Variants in CNTN5 observed in about 807,000 individuals in gnomAD.
CNTN5 encodes contactin-5.
In CNTN5, 77 loss-of-function variants were observed where a neutral mutation model predicts 129.1. The observed-to-expected ratio is 0.60, with a 90% CI of 0.50 to 0.72. The LOEUF (loss-of-function observed/expected upper bound fraction) is 0.72, where lower values mean the gene tolerates loss of function less well. Ranked by LOEUF, CNTN5 falls within the 30% of genes least tolerant of loss-of-function variation. The pLI, the probability that CNTN5 is intolerant of heterozygous loss-of-function variation, is 0.00. For missense variants in CNTN5, 1,478 were observed against 1,328.8 expected, an observed-to-expected ratio of 1.11 and a Z score of -1.75; for synonymous variants, 509 against 465.6, an observed-to-expected ratio of 1.09 and a Z score of -1.20.
intron 6 of CNTN5, among the ~76,000 whole-genome samples, chr11:99,869,633 T>A (rs1948450317): frequency 6.6e-6 from 1 of 152,110 alleles, no homozygotes; most frequent in South Asian, 2.1e-4. Context: ...TTCTTCAGAT[T>A]ACACACCAAA....
intron 8 of CNTN5, among the ~76,000 whole-genome samples, chr11:99,980,011 T>C (rs1408934325): frequency 6.6e-6 from 1 of 152,138 alleles, no homozygotes; most frequent in Non-Finnish European, 1.5e-5. Flanking sequence ...ACCTAACACA[T>C]AGTAAACCCC....
In CNTN5 at chr11:99,735,487, G is replaced by A. The variant is rs181833586; in HGVS notation, c.56-84057G>A. 2.6e-3 allele frequency among the ~76,000 whole-genome samples: 399 copies of A among 152,160 alleles called. 1 individual carries two copies. The highest frequency in any genetic ancestry group is 8.8e-3 in the African/African-American group (367 of 41,480). On this transcript the variant is annotated intron_variant, in intron 3 of 24. Coordinates refer to ENST00000524871, the MANE Select transcript of CNTN5 (RefSeq NM_014361.4). ...GACCATAAGAAGATTGAACAATGAA[G>A]ATTGAATTTATTGACTCACTATTTT...
At chr11:100,079,834 A>T (rs1380591556) in intron 13 of CNTN5, among the ~76,000 whole-genome samples, 1 of 152,158 alleles carries the variant, frequency 6.6e-6, no homozygotes, top group Non-Finnish European at 1.5e-5. Context: ...GCAGACCTTC[A>T]TTCAGAATGT....
At chr11:99,035,732 AGTCT>A (rs1220009652) in intron 1 of CNTN5, among the ~76,000 whole-genome samples, 1 of 151,066 alleles carries the variant, frequency 6.6e-6, no homozygotes, top group African/African-American at 2.4e-5. Flanking sequence ...CCAATTTGCC[AGTCT>A]GTGTCTTTTA....
At chr11:100,034,025 C>CTGTAT (rs1941856588) in intron 9 of CNTN5, among the ~76,000 whole-genome samples, 1 of 152,162 alleles carries the variant, frequency 6.6e-6, no homozygotes, top group Non-Finnish European at 1.5e-5. Context: ...TATCTTACTT[C>CTGTAT]CTGCTTTTTA....
intron 18 of CNTN5, among the ~76,000 whole-genome samples, chr11:100,272,953 A>T (rs1950433759): frequency 6.6e-6 from 1 of 152,076 alleles, no homozygotes; most frequent in Non-Finnish European, 1.5e-5. Flanking sequence ...ATCTGTAGTG[A>T]AGCATGGTCA....
At chr11:99,181,550 G>A (rs77741270) in intron 1 of CNTN5, among the ~76,000 whole-genome samples, 2,599 of 152,258 alleles carry the variant, frequency 0.017, 38 homozygotes, top group African/African-American at 0.037. Flanking sequence ...GTTGGCTTGC[G>A]TTGCAACGGT....
chr11:99,734,388 C>T (rs1325556436), intron 3 of CNTN5, among the ~76,000 whole-genome samples: 2 of 152,136 alleles, frequency 1.3e-5, no homozygotes, highest in African/African-American at 4.8e-5. Flanking sequence ...ACTTTCTTGT[C>T]AGGCCTCAGA....
chr11:99,714,434 G>T (rs1345647295), intron 3 of CNTN5, among the ~76,000 whole-genome samples: 11 of 151,998 alleles, frequency 7.2e-5, no homozygotes, highest in African/African-American at 2.6e-4. Context: ...ATCATCTCAT[G>T]CTGTGTATTA....
chr11:99,668,250 G>A (rs1952880691), intron 3 of CNTN5, among the ~76,000 whole-genome samples: 1 of 152,108 alleles, frequency 6.6e-6, no homozygotes, highest in Admixed American at 6.5e-5. Flanking sequence ...GAGTACCAAG[G>A]TAGCTGTGCA....
intron 3 of CNTN5, among the ~76,000 whole-genome samples, chr11:99,712,304 T>G (rs1408332834): frequency 6.6e-6 from 1 of 152,154 alleles, no homozygotes; most frequent in African/African-American, 2.4e-5. Flanking sequence ...TTCACATCCT[T>G]TGCCCACTTT....
chr11:99,948,969 C>A (rs989725319), intron 7 of CNTN5, among the ~76,000 whole-genome samples: 1 of 152,192 alleles, frequency 6.6e-6, no homozygotes, highest in African/African-American at 2.4e-5. Context: ...GTGCAAATAG[C>A]CTTTGCTGAT....
chr11:99,763,426 A>G (rs1279476428), intron 3 of CNTN5, among the ~76,000 whole-genome samples: 3 of 152,158 alleles, frequency 2.0e-5, no homozygotes, highest in Non-Finnish European at 4.4e-5. Flanking sequence ...TTAGCAATTT[A>G]TCTTTTTAAT....
intron 13 of CNTN5, among the ~76,000 whole-genome samples, chr11:100,116,589 T>A (rs1032214511): frequency 2.0e-5 from 3 of 151,840 alleles, no homozygotes; most frequent in Non-Finnish European, 4.4e-5. Context: ...TCCTTACCTG[T>A]TTTTTTCTAG....
At chr11:99,492,577 T>A (rs1451361558) in intron 2 of CNTN5, among the ~76,000 whole-genome samples, 2 of 152,180 alleles carry the variant, frequency 1.3e-5, no homozygotes, top group African/African-American at 4.8e-5. Flanking sequence ...CTATTAATTT[T>A]AAAATTTGGT....
At chr11:99,464,363 T>A (rs1016304522) in intron 2 of CNTN5, among the ~76,000 whole-genome samples, 3 of 152,210 alleles carry the variant, frequency 2.0e-5, no homozygotes, top group African/African-American at 7.2e-5. Flanking sequence ...CCTAAAGAGA[T>A]GCAAACTTTC....
chr11:99,492,956 A>G (rs2656198), intron 2 of CNTN5, among the ~76,000 whole-genome samples: 121,266 of 152,032 alleles, frequency 0.8, 48,876 homozygotes, highest in Middle Eastern at 0.91. Flanking sequence ...GGAACAGGAA[A>G]AGTCCCTCTG....
At chr11:100,245,296 G>A (rs1223117618) in intron 16 of CNTN5, among the ~76,000 whole-genome samples, 1 of 152,138 alleles carries the variant, frequency 6.6e-6, no homozygotes, top group Non-Finnish European at 1.5e-5. Flanking sequence ...GAAGGAGCTA[G>A]TGTATTTCTC....
At chr11:99,633,904 G>T (rs760062398) in intron 3 of CNTN5, among the ~76,000 whole-genome samples, 13 of 152,186 alleles carry the variant, frequency 8.5e-5, no homozygotes, top group Non-Finnish European at 1.8e-4. Context: ...AGAATTTCAG[G>T]AGAGAGTACA....
Sources: gnomAD v4.1 joint callset for allele counts (sites outside exome capture counted in the v4.1 genomes callset) on GRCh38, gnomAD v4.1.1 for gene constraint, MANE v1.5 for transcripts, NCBI Gene and HGNC (gene_info 2026-07-23, HGNC 2026-07-21) for gene names.